The following FSTL5 variants were observed in gnomAD, a reference collection of about 807,000 sequenced individuals.
FSTL5 encodes the protein follistatin like 5.
Under a neutral mutation model 89.1 loss-of-function variants are expected in FSTL5, and 62 were observed. That is an observed-to-expected ratio of 0.70 (90% CI 0.57 to 0.86). The LOEUF (loss-of-function observed/expected upper bound fraction) is 0.86. Among genes scored for constraint, FSTL5 ranks in the 40% least tolerant of loss-of-function variants. FSTL5 has a pLI of 0.00. For missense variants in FSTL5, 1,057 were observed against 1,001.6 expected (o/e 1.06, Z -0.75); for synonymous variants, 383 against 346.2 (o/e 1.11, Z -1.18).
chr4:161,837,671 A>G (rs1289284140), intron 4 of FSTL5, among the ~76,000 whole-genome samples: 1 of 151,990 alleles, frequency 6.6e-6, no homozygotes, highest in African/African-American at 2.4e-5. Flanking sequence ...ATTCATAAAA[A>G]AGGAAATCCA....
At chr4:161,761,696 T>C (rs970145358) in intron 5 of FSTL5, among the ~76,000 whole-genome samples, 2 of 152,224 alleles carry the variant, frequency 1.3e-5, no homozygotes, top group African/African-American at 4.8e-5. Context: ...CACTTGGTCA[T>C]GATGATACAA....
At position 162,147,809 on chromosome 4, in the gene FSTL5, G is replaced by A. The variant is rs576318111; in HGVS notation, c.-17+15806C>T. Among the ~76,000 whole-genome samples, 6 of 152,154 alleles carry A rather than the reference G, an allele frequency of 3.9e-5. No individual in the cohort carries two copies. The South Asian group carries it at 1.0e-3, about 26-fold the overall frequency. ...GGGTGGATCAAGAGGTCAGGAGTTC[G>A]AGACCAGACGTTGGTGAAACCCCAT... On this transcript the variant is annotated intron_variant, in intron 1 of 15. Coordinates refer to ENST00000306100, the MANE Select transcript of FSTL5 (RefSeq NM_020116.5).
chr4:161,412,571 G>A (rs1731630526), intron 15 of FSTL5, among the ~76,000 whole-genome samples: 1 of 152,124 alleles, frequency 6.6e-6, no homozygotes, highest in Non-Finnish European at 1.5e-5. Context: ...AATGGGTGCA[G>A]CAAACCAACA....
chr4:161,986,678 G>A (rs112254776), intron 3 of FSTL5, among the ~76,000 whole-genome samples: 4 of 152,204 alleles, frequency 2.6e-5, no homozygotes, highest in Non-Finnish European at 5.9e-5. Context: ...TAGGATAACT[G>A]AATGGAGAGT....
At chr4:162,032,102 C>A (rs1737552482) in intron 3 of FSTL5, among the ~76,000 whole-genome samples, 1 of 152,074 alleles carries the variant, frequency 6.6e-6, no homozygotes, top group Admixed American at 6.6e-5. Flanking sequence ...AACATAATTT[C>A]TACTACTTCA....
At chr4:161,861,337 G>A (rs1038969997) in intron 4 of FSTL5, among the ~76,000 whole-genome samples, 1 of 152,180 alleles carries the variant, frequency 6.6e-6, no homozygotes, top group Admixed American at 6.5e-5. Flanking sequence ...CAGGGGTATC[G>A]TTTGAACCCG....
intron 2 of FSTL5, among the ~76,000 whole-genome samples, chr4:162,092,289 C>G (rs1234811546): frequency 6.6e-6 from 1 of 152,058 alleles, no homozygotes; most frequent in East Asian, 1.9e-4. Flanking sequence ...GTTAGAAGCC[C>G]TTAGAGTCAT....
intron 15 of FSTL5, among the ~76,000 whole-genome samples, chr4:161,406,002 A>G (rs994680273): frequency 1.3e-5 from 2 of 152,202 alleles, no homozygotes; most frequent in African/African-American, 4.8e-5. Flanking sequence ...AATTCACATT[A>G]CTAGACTTAC....
intron 7 of FSTL5, among the ~76,000 whole-genome samples, chr4:161,590,500 C>T (rs537421592): frequency 5.9e-5 from 9 of 152,178 alleles, no homozygotes; most frequent in Non-Finnish European, 1.3e-4. Flanking sequence ...AATCGTGCCA[C>T]TGCACTCCAG....
At chr4:161,893,180 G>GATGATTGTAC (rs1348047107) in intron 4 of FSTL5, among the ~76,000 whole-genome samples, 1 of 152,100 alleles carries the variant, frequency 6.6e-6, no homozygotes, top group Non-Finnish European at 1.5e-5. Context: ...ACTCTAAAAT[G>GATGATTGTAC]ATGATTGTAC....
intron 8 of FSTL5, among the ~76,000 whole-genome samples, chr4:161,544,455 C>T (rs7442355): frequency 1 from 151,513 of 152,090 alleles, 75,472 homozygotes; most frequent in Middle Eastern, 1. Flanking sequence ...AGAAAGCAGA[C>T]TGGTTGTTGC....
chr4:161,618,907 G>A (rs994781742), intron 7 of FSTL5, among the ~76,000 whole-genome samples: 2 of 152,196 alleles, frequency 1.3e-5, no homozygotes, highest in African/African-American at 2.4e-5. Context: ...AAAGAACAAA[G>A]CTGGAGGCAT....
intron 6 of FSTL5, among the ~76,000 whole-genome samples, chr4:161,745,677 A>AT (rs1279863155): frequency 6.6e-6 from 1 of 152,076 alleles, no homozygotes; most frequent in Non-Finnish European, 1.5e-5. Context: ...AAAAAAAAAA[A>AT]ATCACTCATT....
At chr4:162,067,034 C>CTTTG (rs948691139) in intron 2 of FSTL5, among the ~76,000 whole-genome samples, 9 of 151,730 alleles carry the variant, frequency 5.9e-5, no homozygotes, top group East Asian at 3.9e-4. Context: ...GAACTAAGTC[C>CTTTG]TTTGTTTGTT....
chr4:161,721,266 C>A (rs1038793409), intron 6 of FSTL5, among the ~76,000 whole-genome samples: 4 of 108,460 alleles, frequency 3.7e-5, no homozygotes, highest in African/African-American at 1.4e-4. Context: ...GCCTGGGCGA[C>A]AGAGCGAGAC....
At position 161,649,637 on chromosome 4, in the gene FSTL5, G is replaced by A. The variant is rs1016743793; in HGVS notation, c.894+6691C>T. Among the ~76,000 whole-genome samples the A allele has an allele frequency of 2.6e-5, 4 of 152,126 alleles. No individual in the cohort carries two copies. In the South Asian group the frequency reaches 8.3e-4, roughly 31 times the overall value. ...ATACTCTCTTAGATGACCTTATATA[G>A]AGTAGTAAACATTGTTTGTTGTCAC... On this transcript the variant is annotated intron_variant, in intron 7 of 15. Coordinates refer to ENST00000306100, the MANE Select transcript of FSTL5 (RefSeq NM_020116.5).
At chr4:161,449,103 A>G (rs1733060438) in intron 15 of FSTL5, among the ~76,000 whole-genome samples, 1 of 152,174 alleles carries the variant, frequency 6.6e-6, no homozygotes, top group Non-Finnish European at 1.5e-5. Context: ...GATTTTATAT[A>G]AATGCCTGTT....
chr4:161,639,360 T>G (rs544906477), intron 7 of FSTL5, among the ~76,000 whole-genome samples: 1 of 152,326 alleles, frequency 6.6e-6, no homozygotes, highest in African/African-American at 2.4e-5. Flanking sequence ...CTTCCCATGG[T>G]GCTTGCTGTT....
intron 15 of FSTL5, among the ~76,000 whole-genome samples, chr4:161,391,070 T>C (rs1301972952): frequency 6.6e-6 from 1 of 152,188 alleles, no homozygotes; most frequent in African/African-American, 2.4e-5. Flanking sequence ...AGGAATGGGT[T>C]AGCCAAACAC....
Sources: allele counts gnomAD v4.1 joint callset (sites outside exome capture counted in the v4.1 genomes callset), GRCh38; gene constraint gnomAD v4.1.1; transcripts MANE v1.5; gene names NCBI Gene and HGNC (gene_info 2026-07-23, HGNC 2026-07-21).